Variants in BEND7 observed in about 807,000 individuals in gnomAD.
BEND7 encodes BEN domain containing 7, also known as BEN domain-containing protein 7.
BEND7 carries 28 observed loss-of-function variants against 50.9 expected under a neutral mutation model. That is an observed-to-expected ratio of 0.55 (90% CI 0.41 to 0.75). BEND7 has a LOEUF of 0.75. Among genes scored for constraint, BEND7 ranks in the 30% least tolerant of loss-of-function variants. The probability of loss-of-function intolerance (pLI) is 0.00; values close to 1 mark genes in which losing one functional copy is unlikely to be tolerated. For missense variants in BEND7, 477 were observed against 491.3 expected, an observed-to-expected ratio of 0.97 and a Z score of 0.28; for synonymous variants, 170 against 183.9, an observed-to-expected ratio of 0.92 and a Z score of 0.61.
At chr10:13,459,674 T>C (rs957028465) in intron 6 of BEND7, 1 of 152,068 alleles carries the variant, frequency 6.6e-6, no homozygotes, top group African/African-American at 2.4e-5. Context: ...TCAGAAAAAA[T>C]TCAGACCTAA....
chr10:13,492,088 A>G (rs2076703819), intron 5 of BEND7, among the ~76,000 whole-genome samples: 1 of 152,130 alleles, frequency 6.6e-6, no homozygotes, highest in Admixed American at 6.6e-5. Flanking sequence ...ATTAAAATAG[A>G]AAAACCTTTG....
At chr10:13,489,296 G>A (rs1425151452) in intron 5 of BEND7, among the ~76,000 whole-genome samples, 2 of 152,104 alleles carry the variant, frequency 1.3e-5, no homozygotes, top group Non-Finnish European at 2.9e-5. Context: ...AAACTTCCAA[G>A]TAAAAAGAAA....
At chr10:13,520,225 G>A (rs2078989896) in intron 2 of BEND7, among the ~76,000 whole-genome samples, 1 of 152,136 alleles carries the variant, frequency 6.6e-6, no homozygotes, top group Admixed American at 6.5e-5. Context: ...TGGTCTCAGT[G>A]TTAAATGAGA....
At chr10:13,479,641 A>C (rs1484958444) in intron 6 of BEND7, among the ~76,000 whole-genome samples, 3 of 152,198 alleles carry the variant, frequency 2.0e-5, no homozygotes, top group Non-Finnish European at 4.4e-5. Context: ...CCATTTTTCA[A>C]ATTCTGTCAT....
At chr10:13,472,024 TCGGGG>T (rs2074898879) in intron 6 of BEND7, among the ~76,000 whole-genome samples, 4 of 151,938 alleles carry the variant, frequency 2.6e-5, no homozygotes, top group Non-Finnish European at 5.9e-5. Flanking sequence ...ACTGTTAGAC[TCGGGG>T]TCGATACCCG....
At chr10:13,468,031 G>C (rs759417477) in intron 6 of BEND7, among the ~76,000 whole-genome samples, 3 of 152,118 alleles carry the variant, frequency 2.0e-5, no homozygotes, top group Non-Finnish European at 2.9e-5. Context: ...CATGTATCCC[G>C]ATCTGCCCGG....
intron 1 of BEND7, among the ~76,000 whole-genome samples, chr10:13,527,390 C>T (rs1448258349): frequency 1.3e-5 from 2 of 152,180 alleles, no homozygotes; most frequent in Non-Finnish European, 2.9e-5. Context: ...GAACCAAATC[C>T]ACATCTTAGC....
chr10:13,499,455 C>G (rs1242569772), intron 3 of BEND7, among the ~76,000 whole-genome samples: 1 of 152,134 alleles, frequency 6.6e-6, no homozygotes, highest in Non-Finnish European at 1.5e-5. Context: ...GGAGCTCTTT[C>G]TGCCCTAATG....
In BEND7 at chr10:13,528,516, C is replaced by T. The variant is rs2079565623; in HGVS notation, c.18G>A (p.Arg6=). Residue 6 remains arginine, a synonymous_variant, in exon 1 of 9, where the codon AGG becomes AGA. Transcript: ENST00000466271. The part of the protein sequence containing the change: MEFSE[R]KRSRKSQSFK... Reference sequence around the variant, plus strand: ...AGCTCTGGGATTTCCTGCTTCTTTTCCTCTCGGAGAACTCCATGGTGCGGG... The same window carrying T: ...AGCTCTGGGATTTCCTGCTTCTTTTTCTCTCGGAGAACTCCATGGTGCGGG... 9.6e-7 allele frequency: 1 copy of T among 1,038,308 alleles called. No homozygotes were observed. The allele number at this position is 1,038,308 out of a possible 1,614,324, so 64.3% of individuals were successfully genotyped here.
chr10:13,528,981 G>T lies in BEND7; in HGVS notation c.-448C>A. 1 of 143,656 alleles carries T rather than the reference G, an allele frequency of 7.0e-6. No individual in the cohort carries two copies. The highest frequency in any genetic ancestry group is 1.8e-4 in the South Asian group (1 of 5,424). 8.9% of individuals were successfully genotyped at this position (143,656 alleles called of 1,614,324 possible). On this transcript the variant is annotated 5_prime_UTR_variant, in exon 1 of 9. Transcript: ENST00000466271. ...CGGCGGCGGCGGCGGCGGCCCCGAA[G>T]ACGCGGCGGGCGGGCTGCGGGGAGG...
rs2076293744 is a variant in BEND7, at chr10:13,487,376, T to C, written c.837+5235A>G. Among the ~76,000 whole-genome samples, 6 of 78,424 alleles carry C rather than the reference T, an allele frequency of 7.7e-5. No homozygotes were observed. The South Asian group carries it at 4.3e-3, about 56-fold the overall frequency. The allele number at this position is 78,424 out of a possible 152,430, so 51.4% of individuals were successfully genotyped here. On this transcript the variant is annotated intron_variant, in intron 5 of 8. Transcript: ENST00000466271. ...CAGGCATACATGGCCTCAATTTCTTTTCTTTTCTTTTCTTTTTTTTTTTTT... is the reference window on the plus strand; with the variant it reads ...CAGGCATACATGGCCTCAATTTCTTCTCTTTTCTTTTCTTTTTTTTTTTTT...
At chr10:13,529,126 C>A (rs2079580900), upstream of BEND7, among the ~76,000 whole-genome samples, 3 of 144,642 alleles carry the variant, frequency 2.1e-5, no homozygotes, top group South Asian at 2.1e-4. Flanking sequence ...CCGGCCGCCG[C>A]CATCCCCGGG....
chr10:13,460,688 A>G (rs577495361), intron 6 of BEND7, among the ~76,000 whole-genome samples: 1 of 152,242 alleles, frequency 6.6e-6, no homozygotes, highest in African/African-American at 2.4e-5. Flanking sequence ...GTCACAAGTG[A>G]TCTCTTGAGA....
intron 3 of BEND7, among the ~76,000 whole-genome samples, chr10:13,499,052 A>G (rs934073075): frequency 6.6e-6 from 1 of 152,244 alleles, no homozygotes; most frequent in African/African-American, 2.4e-5. Context: ...TGTGAAAACT[A>G]TAGATCTGCA....
At chr10:13,451,220 C>G (rs571963863) in intron 7 of BEND7, among the ~76,000 whole-genome samples, 1 of 150,958 alleles carries the variant, frequency 6.6e-6, no homozygotes, top group African/African-American at 2.4e-5. Context: ...AACAGGGTCT[C>G]GCTCTGTCAC....
chr10:13,450,836 G>C (rs879282444), intron 7 of BEND7, among the ~76,000 whole-genome samples: 1 of 152,010 alleles, frequency 6.6e-6, no homozygotes, highest in East Asian at 1.9e-4. Flanking sequence ...GGGCAAACCT[G>C]GGGGGAAATG....
intron 2 of BEND7, among the ~76,000 whole-genome samples, chr10:13,525,084 G>C (rs1309072470): frequency 1.3e-5 from 2 of 152,128 alleles, no homozygotes; most frequent in Non-Finnish European, 2.9e-5. Flanking sequence ...GGCTTTGCTT[G>C]TAATCGTTCT....
At chr10:13,498,699 TCA>T (rs2132162053) in intron 3 of BEND7, among the ~76,000 whole-genome samples, 1 of 152,368 alleles carries the variant, frequency 6.6e-6, no homozygotes, top group Admixed American at 6.5e-5. Context: ...TTGTTATAAA[TCA>T]TTTTCTAATT....
At chr10:13,446,269 G>T (rs1836301153) in intron 8 of BEND7, 2 of 152,184 alleles carry the variant, frequency 1.3e-5, no homozygotes, top group South Asian at 4.1e-4. Flanking sequence ...CTGAAGCTCT[G>T]AAGTTCACTA....
Sources: allele counts gnomAD v4.1 joint callset (sites outside exome capture counted in the v4.1 genomes callset), GRCh38; gene constraint gnomAD v4.1.1; transcripts MANE v1.5; gene names NCBI Gene and HGNC (gene_info 2026-07-23, HGNC 2026-07-21).